The following EPHA3 variants were observed in gnomAD, a reference collection of about 807,000 sequenced individuals.
EPHA3 encodes the protein ephrin type-A receptor 3.
Under a neutral mutation model 107.1 loss-of-function variants are expected in EPHA3, and 42 were observed. The ratio of observed to expected loss-of-function variants is 0.39; its 90% CI spans 0.31 to 0.51. The LOEUF (loss-of-function observed/expected upper bound fraction) is 0.51, where lower values mean the gene tolerates loss of function less well. EPHA3 is among the 20% of genes least tolerant of loss of function. The pLI is 0.78. For synonymous variants in EPHA3, 461 were observed against 424.8 expected (o/e 1.09, Z -1.05); for missense variants, 1,183 against 1,211.2 (o/e 0.98, Z 0.35).
intron 3 of EPHA3, among the ~76,000 whole-genome samples, chr3:89,327,243 C>T (rs1214579149): frequency 1.3e-5 from 2 of 152,060 alleles, no homozygotes; most frequent in Non-Finnish European, 2.9e-5. Flanking sequence ...CAAGATATAT[C>T]AATTTTCAAC....
chr3:89,443,721 CT>C (rs1188031187), intron 13 of EPHA3, among the ~76,000 whole-genome samples: 4 of 152,018 alleles, frequency 2.6e-5, no homozygotes, highest in Non-Finnish European at 5.9e-5. Flanking sequence ...ATACTTTAAA[CT>C]GGGGGAATAC....
At chr3:89,239,643 T>G (rs1295857382) in intron 3 of EPHA3, among the ~76,000 whole-genome samples, 2 of 152,184 alleles carry the variant, frequency 1.3e-5, no homozygotes, top group Non-Finnish European at 2.9e-5. Context: ...ATTACAGATA[T>G]AAACACATCA....
At chr3:89,375,656 C>A (rs1708389148) in intron 5 of EPHA3, among the ~76,000 whole-genome samples, 1 of 151,780 alleles carries the variant, frequency 6.6e-6, no homozygotes, top group Admixed American at 6.6e-5. Flanking sequence ...GCCTAAAGTG[C>A]ATGAATAGAA....
intron 6 of EPHA3, among the ~76,000 whole-genome samples, chr3:89,398,326 G>A (rs375217228): frequency 4.6e-5 from 7 of 152,118 alleles, no homozygotes; most frequent in East Asian, 3.9e-4. Flanking sequence ...GAGAAAAAAC[G>A]TAATTCTTGA....
At chr3:89,187,552 A>T (rs1559591341) in intron 2 of EPHA3, among the ~76,000 whole-genome samples, 1 of 151,852 alleles carries the variant, frequency 6.6e-6, no homozygotes, top group African/African-American at 2.4e-5. Flanking sequence ...TTGCAAATAT[A>T]AAAAATATGT....
intron 10 of EPHA3, among the ~76,000 whole-genome samples, chr3:89,416,033 G>A (rs76417947): frequency 0.01 from 1,533 of 151,498 alleles, 35 homozygotes; most frequent in African/African-American, 0.035. Context: ...CAGAAGCATT[G>A]TTCAATATGT....
intron 3 of EPHA3, among the ~76,000 whole-genome samples, chr3:89,336,644 C>T (rs1707398116): frequency 6.6e-6 from 1 of 151,978 alleles, no homozygotes; most frequent in Non-Finnish European, 1.5e-5. Flanking sequence ...ACTTATATGC[C>T]TCCCAAATAC....
intron 3 of EPHA3, among the ~76,000 whole-genome samples, chr3:89,253,906 C>T (rs1705219585): frequency 6.6e-6 from 1 of 151,892 alleles, no homozygotes; most frequent in East Asian, 1.9e-4. Context: ...GAAATACCTG[C>T]TTCCTTTTCA....
At chr3:89,262,963 CTTTTTTT>C (rs532365863) in intron 3 of EPHA3, among the ~76,000 whole-genome samples, 1,560 of 97,472 alleles carry the variant, frequency 0.016, 39 homozygotes, top group African/African-American at 0.052. Flanking sequence ...TTACAGCGCT[CTTTTTTT>C]TTTTTTTTTT....
chr3:89,429,303 G>A, intron 12 of EPHA3, 136 bp downstream of exon 12: 1 of 546,132 alleles, frequency 1.8e-6, no homozygotes, highest in Non-Finnish European at 3.1e-6. Context: ...TAAATAGACA[G>A]AGAAGGGCTG....
At chr3:89,123,593 A>G (rs982327747) in intron 1 of EPHA3, among the ~76,000 whole-genome samples, 33 of 152,152 alleles carry the variant, frequency 2.2e-4, no homozygotes, top group Non-Finnish European at 1.3e-4. Context: ...CTTCTTATGA[A>G]TATAAGCCCC....
chr3:89,382,910 C>A (rs972832127), intron 5 of EPHA3, among the ~76,000 whole-genome samples: 7 of 152,186 alleles, frequency 4.6e-5, no homozygotes, highest in African/African-American at 1.7e-4. Context: ...GAGACAATTT[C>A]TTCCCAGTCA....
At position 89,107,824 on chromosome 3, in the gene EPHA3, C is replaced by T. The variant is rs1341481107; in HGVS notation, c.76C>T (p.Pro26Ser). ...LDSFGELIPQ[P>S]SNEVNLLDSK... ...CAGCTTCGGGGAACTGATTCCGCAG[C>T]CTTCCAATGAAGGTAAGCCAGGTAC... is the stretch of plus-strand genomic sequence containing the variant. Residue 26 changes from proline to serine, a missense_variant, in exon 1 of 17, where the codon CCT becomes TCT. By Grantham distance (74) the Pro-to-Ser change is moderately conservative. Coordinates refer to ENST00000336596, the MANE Select transcript of EPHA3 (RefSeq NM_005233.6). The T allele has an allele frequency of 1.2e-6, 2 of 1,614,116 alleles. No individual in the cohort carries two copies. Among genetic ancestry groups the T allele is most frequent in the South Asian group, 1.1e-5 (1 of 91,082 alleles).
intron 7 of EPHA3, chr3:89,399,833 T>C: frequency 9.2e-7 from 1 of 1,091,072 alleles, no homozygotes; most frequent in Non-Finnish European, 1.1e-6. Context: ...CGTGATTCAA[T>C]GAACCACAAA....
chr3:89,203,742 A>T (rs1230559490), intron 2 of EPHA3, among the ~76,000 whole-genome samples: 1 of 152,128 alleles, frequency 6.6e-6, no homozygotes, highest in Non-Finnish European at 1.5e-5. Flanking sequence ...GCGCCACTGC[A>T]CTCCAGCCTG....
chr3:89,144,974 A>C (rs1252440663), intron 2 of EPHA3, among the ~76,000 whole-genome samples: 13 of 151,792 alleles, frequency 8.6e-5, no homozygotes, highest in Admixed American at 7.9e-4. Flanking sequence ...AATAGTAAGC[A>C]TTGAATAAAA....
At position 89,211,817 on chromosome 3, in the gene EPHA3, T is replaced by C. The variant is rs71628837; in HGVS notation, c.814+1297T>C. On this transcript the variant is annotated intron_variant, in intron 3 of 16. Transcript: ENST00000336596. ...TTCTTCTTCTTCTTCTTCTTCTTCT[T>C]CTCCTTCTCCTCCTCCTCCTCTTTC... Among the ~76,000 whole-genome samples, 140 of 99,010 alleles carry C rather than the reference T, an allele frequency of 1.4e-3. 1 individual carries two copies. The highest frequency in any genetic ancestry group is 6.1e-3 in the African/African-American group (105 of 17,244). 65.0% of individuals were successfully genotyped at this position (99,010 alleles called of 152,430 possible).
rs368359032 is a variant in EPHA3, at chr3:89,341,052, T to C, written c.951T>C (p.Pro317=). 1 of 1,613,804 alleles carries C rather than the reference T, an allele frequency of 6.2e-7. No homozygotes were observed. Among genetic ancestry groups the C allele is most frequent in the Non-Finnish European group, 8.5e-7 (1 of 1,179,930 alleles). The change falls in exon 4 of 17, where the codon CCT becomes CCC. Residue 317 remains proline (P), a synonymous_variant. Transcript: ENST00000336596. ...ENNYFRADKD[P]PSMACTRPPS... is the part of the protein sequence containing the mutation. ...ATTACTTCCGGGCAGACAAAGACCC[T>C]CCATCCATGGCTTGTACCCGTGAGT...
intron 11 of EPHA3, among the ~76,000 whole-genome samples, chr3:89,427,515 C>T (rs1310610625): frequency 4.6e-5 from 7 of 151,806 alleles, no homozygotes; most frequent in East Asian, 3.9e-4. Flanking sequence ...CAGCAGTACT[C>T]GGTTAATACT....
Sources: gnomAD v4.1 joint callset for allele counts (sites outside exome capture counted in the v4.1 genomes callset) on GRCh38, gnomAD v4.1.1 for gene constraint, MANE v1.5 for transcripts, NCBI Gene and HGNC (gene_info 2026-07-23, HGNC 2026-07-21) for gene names.